Variants in SRPK2 observed in about 807,000 individuals in gnomAD.
SRPK2 encodes SRSF protein kinase 2, also known as SFRS protein kinase 2.
In SRPK2, 21 loss-of-function variants were observed where a neutral mutation model predicts 90.8. That is an observed-to-expected ratio of 0.23 (90% CI 0.16 to 0.33). SRPK2 has a LOEUF of 0.33. Ranked by LOEUF, SRPK2 falls within the 10% of genes least tolerant of loss-of-function variation. SRPK2 has a pLI of 1.00. For synonymous variants in SRPK2, 288 were observed against 311.1 expected, an observed-to-expected ratio of 0.93 and a Z score of 0.78; for missense variants, 620 against 869.0, an observed-to-expected ratio of 0.71 and a Z score of 3.60.
chr7:105,319,665 G>A (rs1812715322), intron 2 of SRPK2, among the ~76,000 whole-genome samples: 1 of 152,036 alleles, frequency 6.6e-6, no homozygotes, highest in African/African-American at 2.4e-5. Flanking sequence ...CTAACAGGTA[G>A]ACAAGATTGA....
At chr7:105,276,747 G>GAA (rs1806551644) in intron 2 of SRPK2, among the ~76,000 whole-genome samples, 1 of 152,052 alleles carries the variant, frequency 6.6e-6, no homozygotes, top group Admixed American at 6.6e-5. Flanking sequence ...GAAAAGAAAA[G>GAA]AAACAAATAC....
At chr7:105,162,563 ATTATT>A (rs1807845152) in intron 6 of SRPK2, among the ~76,000 whole-genome samples, 1 of 152,232 alleles carries the variant, frequency 6.6e-6, no homozygotes. Context: ...TTAAAACAAT[ATTATT>A]TTAAATATTT....
At chr7:105,379,702 G>C (rs1248139337) in intron 2 of SRPK2, among the ~76,000 whole-genome samples, 1 of 152,238 alleles carries the variant, frequency 6.6e-6, no homozygotes, top group African/African-American at 2.4e-5. Context: ...CACTGGGCCA[G>C]GCGTGGTGGC....
At chr7:105,136,055 G>T (rs1030348367) in intron 11 of SRPK2, among the ~76,000 whole-genome samples, 1 of 152,076 alleles carries the variant, frequency 6.6e-6, no homozygotes, top group African/African-American at 2.4e-5. Context: ...ATAAGCCACC[G>T]CACCTGGCCT....
At chr7:105,376,603 G>C (rs183541111) in intron 2 of SRPK2, among the ~76,000 whole-genome samples, 1 of 149,230 alleles carries the variant, frequency 6.7e-6, no homozygotes, top group Non-Finnish European at 1.5e-5. Context: ...GCAGTGGCAC[G>C]ATCTGGCTCA....
chr7:105,263,475 A>G (rs1329875021), intron 2 of SRPK2, among the ~76,000 whole-genome samples: 1 of 152,184 alleles, frequency 6.6e-6, no homozygotes, highest in Non-Finnish European at 1.5e-5. Context: ...ACAACTACAC[A>G]CAACAATATG....
intron 2 of SRPK2, among the ~76,000 whole-genome samples, chr7:105,240,727 GA>G (rs1449248420): frequency 6.6e-6 from 1 of 152,172 alleles, no homozygotes; most frequent in African/African-American, 2.4e-5. Flanking sequence ...TGATGAGAAA[GA>G]ATTGCACTTT....
chr7:105,197,272 A>G (rs1305841743), intron 3 of SRPK2, among the ~76,000 whole-genome samples: 1 of 152,220 alleles, frequency 6.6e-6, no homozygotes, highest in Non-Finnish European at 1.5e-5. Flanking sequence ...ACATGCTTCT[A>G]GTGTGTATAC....
intron 2 of SRPK2, among the ~76,000 whole-genome samples, chr7:105,303,988 A>C (rs762089604): frequency 1.3e-5 from 2 of 152,248 alleles, no homozygotes; most frequent in African/African-American, 4.8e-5. Context: ...TGACTTCAAA[A>C]GTTTTCATTA....
intron 6 of SRPK2, among the ~76,000 whole-genome samples, chr7:105,162,338 G>T (rs536406330): frequency 2.6e-5 from 4 of 152,128 alleles, no homozygotes; most frequent in Admixed American, 1.3e-4. Context: ...CACCACACCT[G>T]GCCCCAACTT....
chr7:105,396,767 A>G (rs1325927312), intron 1 of SRPK2, among the ~76,000 whole-genome samples: 2 of 140,554 alleles, frequency 1.4e-5, no homozygotes, highest in Admixed American at 1.4e-4. Context: ...GGAAAGAGAG[A>G]GAAAGAAAGA....
intron 2 of SRPK2, among the ~76,000 whole-genome samples, chr7:105,293,570 C>T (rs1809366848): frequency 6.6e-6 from 1 of 151,828 alleles, no homozygotes. Context: ...CAGGAACCCA[C>T]CATCACACTC....
intron 2 of SRPK2, among the ~76,000 whole-genome samples, chr7:105,382,112 G>A (rs1199978072): frequency 1.3e-5 from 2 of 151,948 alleles, no homozygotes; most frequent in Admixed American, 6.6e-5. Flanking sequence ...CAGGTGCAGT[G>A]AGCCATGATT....
At chr7:105,364,588 G>C (rs1244703256) in intron 2 of SRPK2, among the ~76,000 whole-genome samples, 1 of 151,824 alleles carries the variant, frequency 6.6e-6, no homozygotes, top group Admixed American at 6.6e-5. Context: ...ATTTTTAGTA[G>C]AGACGGGGTT....
At chr7:105,224,660 A>T (rs1246301876) in intron 2 of SRPK2, among the ~76,000 whole-genome samples, 10 of 152,154 alleles carry the variant, frequency 6.6e-5, no homozygotes, top group Admixed American at 6.5e-4. Context: ...CAGTAAATAC[A>T]TCTCTTATTT....
rs191152724 is a variant in SRPK2 at position 105,256,550 on chromosome 7, G to T, written c.72-52765C>A. ...TTTAAATTATTTTGTAGAGACGGGG[G>T]TCTTGGTATGTTGCATGGGTTGGTT... On this transcript the variant is annotated intron_variant, in intron 2 of 15. Transcript: ENST00000393651. Among the ~76,000 whole-genome samples, 4 of 152,220 alleles carry T rather than the reference G, an allele frequency of 2.6e-5. No homozygotes were observed. The East Asian group carries it at 7.7e-4, about 29-fold the overall frequency.
chr7:105,388,596 G>GC, intron 2 of SRPK2, 52 bp downstream of exon 2: 2 of 1,491,078 alleles, frequency 1.3e-6, no homozygotes, highest in South Asian at 1.2e-5. Context: ...GGCCGCGGGC[G>GC]CCCCCGACGG....
intron 2 of SRPK2, among the ~76,000 whole-genome samples, chr7:105,266,122 A>C (rs571355034): frequency 1.3e-5 from 2 of 152,294 alleles, no homozygotes; most frequent in African/African-American, 4.8e-5. Context: ...ATTGAGATCT[A>C]TTAGGATAAC....
intron 2 of SRPK2, among the ~76,000 whole-genome samples, chr7:105,290,948 G>A (rs1808898145): frequency 6.7e-6 from 1 of 148,316 alleles, no homozygotes; most frequent in Non-Finnish European, 1.5e-5. Flanking sequence ...TGAGGCAGGA[G>A]AATGGCGTGA....
Sources: gnomAD v4.1 joint callset for allele counts (sites outside exome capture counted in the v4.1 genomes callset) on GRCh38, gnomAD v4.1.1 for gene constraint, MANE v1.5 for transcripts, NCBI Gene and HGNC (gene_info 2026-07-23, HGNC 2026-07-21) for gene names.